Variants in KIAA0930 observed in about 807,000 individuals in gnomAD.
KIAA0930 encodes KIAA0930.
In KIAA0930, 24 loss-of-function variants were observed where a neutral mutation model predicts 43.9. That is an observed-to-expected ratio of 0.55 (90% CI 0.40 to 0.77). KIAA0930 has a LOEUF of 0.77. Ranked by LOEUF, KIAA0930 falls within the 30% of genes least tolerant of loss-of-function variation. The pLI is 0.00. For synonymous variants in KIAA0930, 259 were observed against 216.4 expected (o/e 1.20, Z -1.73); for missense variants, 461 against 574.2 (o/e 0.80, Z 2.02).
At chr22:45,233,012 A>G (rs115296793) in intron 1 of KIAA0930, among the ~76,000 whole-genome samples, 2,294 of 152,186 alleles carry the variant, frequency 0.015, 54 homozygotes, top group African/African-American at 0.052. Flanking sequence ...GCTCAGGTGG[A>G]TCCAAGGACA....
At chr22:45,217,405 T>C (rs892149476) in intron 1 of KIAA0930, among the ~76,000 whole-genome samples, 15 of 141,208 alleles carry the variant, frequency 1.1e-4, no homozygotes, top group African/African-American at 3.9e-4. Flanking sequence ...ATATTTAACA[T>C]ATAGTTCATT....
chr22:45,202,741 C>T, intron 7 of KIAA0930: 1 of 444,302 alleles, frequency 2.3e-6, no homozygotes, highest in Non-Finnish European at 4.0e-6. Context: ...TGCGGTGTGA[C>T]CTTGGCCAGG....
chr22:45,203,224 C>T lies in KIAA0930; in HGVS notation c.658-40G>A, dbSNP rs779333364. On this transcript the variant is annotated intron_variant, in intron 6 of 9. Coordinates refer to ENST00000336156, the MANE Select transcript of KIAA0930 (RefSeq NM_001009880.2). ...GGGGCAGCCTGAGTCAGGGAGGTGG[C>T]GATGGCTCCATGGGGCCCCTCCCCA... The T allele has an allele frequency of 4.7e-5, 73 of 1,545,738 alleles. 1 individual carries two copies. The highest frequency in any genetic ancestry group is 2.5e-4 in the South Asian group (20 of 81,038).
intron 1 of KIAA0930, among the ~76,000 whole-genome samples, chr22:45,237,321 T>C (rs370324260): frequency 1.6e-4 from 25 of 152,260 alleles, no homozygotes; most frequent in Admixed American, 1.2e-3. Flanking sequence ...CCCCATGGAC[T>C]GTGCCCTCCC....
At position 45,200,006 on chromosome 22, in the gene KIAA0930, T is replaced by C; in HGVS notation, c.882A>G (p.Pro294=). 1 of 1,602,608 alleles carries C rather than the reference T, an allele frequency of 6.2e-7. No homozygotes were observed. The highest frequency in any genetic ancestry group is 2.3e-5 in the East Asian group (1 of 43,308). The change falls in exon 8 of 10, where the codon CCA becomes CCG. Residue 294 remains proline (P), a synonymous_variant. Coordinates refer to ENST00000336156, the MANE Select transcript of KIAA0930 (RefSeq NM_001009880.2). The part of the protein sequence containing the change: ...RVTSFSTPPT[P]ERNNRPAFFS... ...AGAAGGCAGGCCGGTTGTTCCGTTC[T>C]GGGGTGGGGGGTGTGCTGAAGGAGG...
intron 6 of KIAA0930, 88 bp downstream of exon 6, chr22:45,203,757 G>C: frequency 6.8e-7 from 1 of 1,460,992 alleles, no homozygotes; most frequent in Non-Finnish European, 9.3e-7. Context: ...CAAGCAGGCT[G>C]GGGGGCCCCA....
intron 4 of KIAA0930, 77 bp from the exon 5 acceptor site, chr22:45,205,395 G>A: frequency 7.5e-7 from 1 of 1,325,932 alleles, no homozygotes; most frequent in Non-Finnish European, 1.1e-6. Context: ...AGCCAGTATA[G>A]GGAGGCCACC....
chr22:45,208,919 G>A (rs742016), intron 2 of KIAA0930, among the ~76,000 whole-genome samples: 71,889 of 152,096 alleles, frequency 0.47, 17,576 homozygotes, highest in South Asian at 0.65. Flanking sequence ...ACAGGGCTCC[G>A]GCCACCAGCG....
chr22:45,217,910 G>A (rs950792073), intron 1 of KIAA0930, among the ~76,000 whole-genome samples: 5 of 152,328 alleles, frequency 3.3e-5, no homozygotes, highest in Middle Eastern at 3.4e-3. Flanking sequence ...AGAACTGGAA[G>A]AGCCCTTTCC....
intron 1 of KIAA0930, among the ~76,000 whole-genome samples, chr22:45,225,601 G>A (rs2083794330): frequency 6.6e-6 from 1 of 152,048 alleles, no homozygotes. Context: ...ACCAGGTCTC[G>A]ACCACACCAC....
rs994752189 is a variant in KIAA0930, at chr22:45,197,086, C to G, written c.*90G>C. 1 of 1,157,858 alleles carries G rather than the reference C, an allele frequency of 8.6e-7. No individual in the cohort carries two copies. The highest frequency in any genetic ancestry group is 1.6e-5 in the African/African-American group (1 of 62,272). The allele number at this position is 1,157,858 out of a possible 1,614,324, so 71.7% of individuals were successfully genotyped here. On this transcript the variant is annotated 3_prime_UTR_variant, in exon 10 of 10. Transcript: ENST00000336156. ...TGCGGCTCCAGCACTGGCGTGCCAT[C>G]GCAGACCCCGGTGGCGGTGGACAGG...
chr22:45,217,920 C>T (rs922878162), intron 1 of KIAA0930, among the ~76,000 whole-genome samples: 4 of 152,166 alleles, frequency 2.6e-5, no homozygotes, highest in African/African-American at 9.7e-5. Flanking sequence ...GAGCCCTTTC[C>T]AGGTGAGTGA....
chr22:45,229,911 T>C (rs1210874814), intron 1 of KIAA0930, among the ~76,000 whole-genome samples: 1 of 152,170 alleles, frequency 6.6e-6, no homozygotes, highest in Admixed American at 6.5e-5. Context: ...CTGGCCAACA[T>C]GGCAAAACCC....
intron 1 of KIAA0930, among the ~76,000 whole-genome samples, chr22:45,232,984 A>G (rs1458080073): frequency 6.6e-6 from 1 of 152,120 alleles, no homozygotes; most frequent in Non-Finnish European, 1.5e-5. Flanking sequence ...CGATGACATT[A>G]AGGTTCATGC....
At chr22:45,198,493 G>A in intron 8 of KIAA0930, among the ~76,000 whole-genome samples, 1 of 152,228 alleles carries the variant, frequency 6.6e-6, no homozygotes, top group Non-Finnish European at 1.5e-5. Flanking sequence ...CAGTGCTGGA[G>A]TCCCTGACCC....
At chr22:45,208,599 G>A (rs1254384677) in intron 2 of KIAA0930, among the ~76,000 whole-genome samples, 1 of 152,004 alleles carries the variant, frequency 6.6e-6, no homozygotes, top group African/African-American at 2.4e-5. Flanking sequence ...CTGCCCAGGG[G>A]GAGGTTGAGC....
At chr22:45,218,333 A>ATTTTTTTTTTTTTTTTT (rs752298111) in intron 1 of KIAA0930, among the ~76,000 whole-genome samples, 1 of 51,704 alleles carries the variant, frequency 1.9e-5, no homozygotes, top group Non-Finnish European at 3.3e-5. Context: ...AATTTTTTTG[A>ATTTTTTTTTTTTTTTTT]TTTTTTTTTT....
intron 1 of KIAA0930, among the ~76,000 whole-genome samples, chr22:45,229,355 C>CA (rs903299060): frequency 6.7e-6 from 1 of 149,184 alleles, no homozygotes; most frequent in Admixed American, 6.7e-5. Flanking sequence ...TCCCTCTCCA[C>CA]TCCCCCATCA....
chr22:45,229,424 C>T lies in KIAA0930; in HGVS notation c.64+11216G>A, dbSNP rs1485385039. Among the ~76,000 whole-genome samples the T allele has an allele frequency of 7.7e-5, 9 of 117,416 alleles. 1 individual carries two copies. The highest frequency in any genetic ancestry group is 1.2e-4 in the African/African-American group (3 of 25,728). The allele number at this position is 117,416 out of a possible 152,430, so 77.0% of individuals were successfully genotyped here. ...TCCCAGGGGCCTGCGCCCAGGCATC[C>T]GTCTCTGAGCTGGTGCGAGGGATGA... On this transcript the variant is annotated intron_variant, in intron 1 of 9. Coordinates refer to ENST00000336156, the MANE Select transcript of KIAA0930 (RefSeq NM_001009880.2).
Sources: gnomAD v4.1 joint callset for allele counts (sites outside exome capture counted in the v4.1 genomes callset) on GRCh38, gnomAD v4.1.1 for gene constraint, MANE v1.5 for transcripts, NCBI Gene and HGNC (gene_info 2026-07-23, HGNC 2026-07-21) for gene names.